The following AP3B1 variants were observed in gnomAD, a reference collection of about 807,000 sequenced individuals.
AP3B1 encodes the protein adaptor related protein complex 3 subunit beta 1.
In AP3B1, 61 loss-of-function variants were observed where a neutral mutation model predicts 132.5. That is an observed-to-expected ratio of 0.46 (90% CI 0.37 to 0.57). The LOEUF is 0.57. AP3B1 is among the 20% of genes least tolerant of loss of function. The pLI, the probability that AP3B1 is intolerant of heterozygous loss-of-function variation, is 0.00. For synonymous variants in AP3B1, 388 were observed against 438.3 expected (o/e 0.89, Z 1.43); for missense variants, 1,120 against 1,289.4 (o/e 0.87, Z 2.01).
intron 22 of AP3B1, among the ~76,000 whole-genome samples, chr5:78,054,246 C>T (rs1748710923): frequency 6.6e-6 from 1 of 152,124 alleles, no homozygotes; most frequent in Non-Finnish European, 1.5e-5. Context: ...TGTGAGGTTA[C>T]ATGTTGCACA....
intron 14 of AP3B1, among the ~76,000 whole-genome samples, chr5:78,146,490 C>A (rs1753401837): frequency 6.6e-6 from 1 of 152,082 alleles, no homozygotes; most frequent in South Asian, 2.1e-4. Flanking sequence ...ATTTTAATTT[C>A]TTTTATTATC....
chr5:78,052,801 T>C (rs1483102758), intron 22 of AP3B1, among the ~76,000 whole-genome samples: 1 of 152,220 alleles, frequency 6.6e-6, no homozygotes, highest in Non-Finnish European at 1.5e-5. Context: ...CAGAATAATG[T>C]CTATATTGTT....
At chr5:78,052,267 TAAA>T (rs1369826325) in intron 22 of AP3B1, among the ~76,000 whole-genome samples, 1 of 152,096 alleles carries the variant, frequency 6.6e-6, no homozygotes, top group Non-Finnish European at 1.5e-5. Flanking sequence ...TAATATATAT[TAAA>T]AATATATTTG....
At position 78,156,424 on chromosome 5, in the gene AP3B1, A is replaced by G. The variant is rs74778894; in HGVS notation, c.1364-57T>C. 3.2e-3 allele frequency: 3,920 copies of G among 1,213,248 alleles called. 92 individuals carry two copies. In the African/African-American group the frequency reaches 0.052, roughly 16 times the overall value. The allele number at this position is 1,213,248 out of a possible 1,614,324, so 75.2% of individuals were successfully genotyped here. On this transcript the variant is annotated intron_variant, in intron 13 of 26. Coordinates refer to ENST00000255194, the MANE Select transcript of AP3B1 (RefSeq NM_003664.5). ...ATGTATAATTCAATTCAAATGCAAT[A>G]TGCTTCGTAAAATGTAAACTTAAAT...
At position 78,171,454 on chromosome 5, in the gene AP3B1, C is replaced by T. The variant is rs1743910803; in HGVS notation, c.1167+4172G>A. On this transcript the variant is annotated intron_variant, in intron 11 of 26. Coordinates refer to ENST00000255194, the MANE Select transcript of AP3B1 (RefSeq NM_003664.5). The stretch of plus-strand genomic sequence containing the variant: ...TCTCCTTGAAGAGGTCCTTTACATC[C>T]CTTGTAAGTTGGATTCCTAGGTATT... Among the ~76,000 whole-genome samples, 6 of 151,992 alleles carry T rather than the reference C, an allele frequency of 3.9e-5. 1 individual carries two copies. In the South Asian group the frequency reaches 1.2e-3, roughly 31 times the overall value.
Position 78,087,614 on chromosome 5 carries a change from C to T in AP3B1, c.2577+1779G>A, listed in dbSNP as rs987408275. 4 of 985,156 alleles carry T rather than the reference C, an allele frequency of 4.1e-6. No homozygotes were observed. The African/African-American group carries it at 7.0e-5, about 17-fold the overall frequency. The allele number at this position is 985,156 out of a possible 1,614,324, so 61.0% of individuals were successfully genotyped here. A position where few individuals can be genotyped will look rare whatever the true frequency, so the allele number is the denominator to read the frequency against. On this transcript the variant is annotated intron_variant, in intron 22 of 26. Coordinates refer to ENST00000255194, the MANE Select transcript of AP3B1 (RefSeq NM_003664.5). ...GTGTTGTGGTCCTGCTTCACTCAGCCGTGTCAACTGGCGGTCATTTTTTGC... is the reference window on the plus strand; with the variant it reads ...GTGTTGTGGTCCTGCTTCACTCAGCTGTGTCAACTGGCGGTCATTTTTTGC...
chr5:78,065,150 C>G (rs538964400), intron 22 of AP3B1, among the ~76,000 whole-genome samples: 1 of 152,144 alleles, frequency 6.6e-6, no homozygotes, highest in African/African-American at 2.4e-5. Flanking sequence ...TGTACTATCC[C>G]GCCCAGGAAA....
At chr5:78,236,349 C>G (rs1381260546) in intron 3 of AP3B1, among the ~76,000 whole-genome samples, 1 of 130,444 alleles carries the variant, frequency 7.7e-6, no homozygotes, top group South Asian at 2.3e-4. Context: ...ATAACTAAAA[C>G]ATAAAAGAAA....
At chr5:78,217,992 T>C (rs1746029587) in intron 6 of AP3B1, among the ~76,000 whole-genome samples, 1 of 152,064 alleles carries the variant, frequency 6.6e-6, no homozygotes, top group Non-Finnish European at 1.5e-5. Flanking sequence ...GAGCTACATG[T>C]ACACAATAAT....
intron 22 of AP3B1, among the ~76,000 whole-genome samples, chr5:78,081,825 G>A (rs1750021875): frequency 6.6e-6 from 1 of 151,662 alleles, no homozygotes; most frequent in African/African-American, 2.4e-5. Context: ...AAGTTCTGAG[G>A]AACAGAAAAA....
chr5:78,082,093 T>C (rs962429283), intron 22 of AP3B1, among the ~76,000 whole-genome samples: 2 of 152,216 alleles, frequency 1.3e-5, no homozygotes, highest in Admixed American at 1.3e-4. Flanking sequence ...GAGGACCTTA[T>C]GTTTTTTGTT....
At chr5:78,084,059 A>G (rs1018549397) in intron 22 of AP3B1, among the ~76,000 whole-genome samples, 1 of 152,208 alleles carries the variant, frequency 6.6e-6, no homozygotes, top group African/African-American at 2.4e-5. Flanking sequence ...ATTTTCATTA[A>G]TTTGAAATTC....
At chr5:78,283,588 A>G (rs1487260457) in intron 1 of AP3B1, among the ~76,000 whole-genome samples, 1 of 152,200 alleles carries the variant, frequency 6.6e-6, no homozygotes, top group Non-Finnish European at 1.5e-5. Context: ...GTCATCAATT[A>G]ATGACTCCCA....
Position 78,116,208 on chromosome 5 carries a change from T to C in AP3B1, c.1995A>G (p.Lys665=), listed in dbSNP as rs201097736. ...ELAKEWTPAG[K]AKQENSAKKF... is the part of the protein sequence containing the mutation. ...TCTTAGCAGAATTCTCTTGCTTTGC[T>C]TTTCCTGCTGGGGTCCATTCTTTTG... The change falls in exon 18 of 27, where the codon AAA becomes AAG. Residue 665 remains lysine (K), a synonymous_variant. Transcript: ENST00000255194. 5.5e-5 allele frequency: 89 copies of C among 1,613,614 alleles called. No individual in the cohort carries two copies. Among genetic ancestry groups the C allele is most frequent in the Non-Finnish European group, 8.5e-7 (1 of 1,179,656 alleles).
intron 22 of AP3B1, among the ~76,000 whole-genome samples, chr5:78,080,745 C>A (rs140265248): frequency 4.3e-4 from 65 of 151,592 alleles, no homozygotes; most frequent in Middle Eastern, 3.4e-3. Flanking sequence ...ACCCAACAAC[C>A]CTCACATGCA....
intron 22 of AP3B1, among the ~76,000 whole-genome samples, chr5:78,060,677 CA>C (rs1383377934): frequency 1.4e-4 from 21 of 151,928 alleles, no homozygotes. Flanking sequence ...AAACTGACAT[CA>C]TGACTTATTT....
chr5:78,283,335 T>C (rs1293449537), intron 1 of AP3B1, among the ~76,000 whole-genome samples: 1 of 152,210 alleles, frequency 6.6e-6, no homozygotes, highest in East Asian at 1.9e-4. Flanking sequence ...AAACCATTTA[T>C]CGGCTGTCTT....
intron 2 of AP3B1, among the ~76,000 whole-genome samples, chr5:78,251,638 A>G (rs1024228336): frequency 1.3e-5 from 2 of 152,236 alleles, no homozygotes; most frequent in African/African-American, 4.8e-5. Context: ...CAGGGGGAGC[A>G]TTTAAACCAG....
intron 6 of AP3B1, among the ~76,000 whole-genome samples, chr5:78,220,172 G>C (rs1186187970): frequency 6.6e-6 from 1 of 151,938 alleles, no homozygotes; most frequent in Non-Finnish European, 1.5e-5. Context: ...TATCTGTGTA[G>C]AATATTTTTA....
Sources: gnomAD v4.1 joint callset for allele counts (sites outside exome capture counted in the v4.1 genomes callset) on GRCh38, gnomAD v4.1.1 for gene constraint, MANE v1.5 for transcripts, NCBI Gene and HGNC (gene_info 2026-07-23, HGNC 2026-07-21) for gene names.